The following AGBL1 variants were observed in gnomAD, a reference collection of about 807,000 sequenced individuals.
The protein encoded by AGBL1 is cytosolic carboxypeptidase 4.
AGBL1 carries 130 observed loss-of-function variants against 118.9 expected under a neutral mutation model. That is an observed-to-expected ratio of 1.09 (90% CI 0.95 to 1.26). The LOEUF (loss-of-function observed/expected upper bound fraction) is 1.26. Ranked by LOEUF, AGBL1 falls within the 50% of genes most tolerant of loss-of-function variation. The pLI is 0.00. For missense variants in AGBL1, 1,584 were observed against 1,298.1 expected, an observed-to-expected ratio of 1.22 and a Z score of -3.38; for synonymous variants, 555 against 478.9, an observed-to-expected ratio of 1.16 and a Z score of -2.08.
chr15:86,838,941 TA>T (rs386383698), intron 22 of AGBL1, among the ~76,000 whole-genome samples: 561 of 47,954 alleles, frequency 0.012, 3 homozygotes, highest in African/African-American at 0.048. Context: ...TGAGATCCTG[TA>T]AAAAAAAAAA....
chr15:86,971,483 C>T (rs2081108109), intron 23 of AGBL1, among the ~76,000 whole-genome samples: 1 of 151,844 alleles, frequency 6.6e-6, no homozygotes, highest in South Asian at 2.1e-4. Flanking sequence ...TTCCTACTAA[C>T]CCAAGTATGT....
At chr15:86,443,721 C>T (rs1363933737) in intron 18 of AGBL1, among the ~76,000 whole-genome samples, 1 of 152,160 alleles carries the variant, frequency 6.6e-6, no homozygotes, top group Non-Finnish European at 1.5e-5. Flanking sequence ...TGTGCTTGCC[C>T]TATTTTACCA....
intron 22 of AGBL1, among the ~76,000 whole-genome samples, chr15:86,812,790 G>A (rs1298256302): frequency 6.6e-6 from 1 of 152,142 alleles, no homozygotes; most frequent in East Asian, 1.9e-4. Context: ...ATTGCACTAT[G>A]CTAGATAAAA....
chr15:86,293,611 G>A (rs1888117908), intron 16 of AGBL1, among the ~76,000 whole-genome samples: 1 of 152,164 alleles, frequency 6.6e-6, no homozygotes, highest in South Asian at 2.1e-4. Flanking sequence ...CTTTCACCAT[G>A]TGAGGTATCC....
In AGBL1 at chr15:86,279,680, C is replaced by G; in HGVS notation, c.2117C>G (p.Ser706Cys). Residue 706 changes from serine to cysteine, a missense_variant, in exon 16 of 23, where the codon TCT (serine) becomes TGT (cysteine). Coordinates refer to ENST00000614907, the MANE Select transcript of AGBL1 (RefSeq NM_001386094.1). ...RQSTAVAGGA[S>C]GKCYYTLTFA... Reference sequence around the variant, plus strand: ...AGTACAGCTGTTGCAGGCGGAGCATCTGGGAAGTGCTACTATACCCTCACC... The same window carrying G: ...AGTACAGCTGTTGCAGGCGGAGCATGTGGGAAGTGCTACTATACCCTCACC... 2 of 1,613,458 alleles carry G rather than the reference C, an allele frequency of 1.2e-6. No individual in the cohort carries two copies. Among genetic ancestry groups the G allele is most frequent in the Admixed American group, 1.7e-5 (1 of 59,990 alleles).
intron 1 of AGBL1, among the ~76,000 whole-genome samples, chr15:86,081,122 C>A (rs1895252255): frequency 6.6e-6 from 1 of 152,190 alleles, no homozygotes; most frequent in Non-Finnish European, 1.5e-5. Flanking sequence ...CGACTCACTA[C>A]AACTTTTGCC....
At chr15:86,774,999 G>T (rs28415326) in intron 22 of AGBL1, among the ~76,000 whole-genome samples, 1 of 152,128 alleles carries the variant, frequency 6.6e-6, no homozygotes, top group Admixed American at 6.6e-5. Context: ...ATGTTCATTT[G>T]TTTATTCATA....
rs1441851367 is a variant in AGBL1 at position 87,017,214 on chromosome 15, G to GTCTCCA, written c.3324-11611_3324-11610insTCTCCA. ...TCAGCTTTTCCAGCCTGCCAACTCT[G>GTCTCCA]GAGAGTCTGGACAGTCCAGATGAGG... On this transcript the variant is annotated intron_variant, in intron 24 of 24. Coordinates refer to the AGBL1 transcript ENST00000441037. 1.4e-3 allele frequency among the ~76,000 whole-genome samples: 217 copies of GTCTCCA among 152,178 alleles called. 1 individual carries two copies. The highest frequency in any genetic ancestry group is 5.0e-3 in the African/African-American group (209 of 41,550).
intron 18 of AGBL1, among the ~76,000 whole-genome samples, chr15:86,487,866 A>G (rs1397892647): frequency 6.6e-6 from 1 of 152,096 alleles, no homozygotes; most frequent in Non-Finnish European, 1.5e-5. Context: ...AGCCTGCATA[A>G]TGGAACATCG....
At chr15:86,294,465 C>G (rs2079600609) in intron 16 of AGBL1, among the ~76,000 whole-genome samples, 1 of 138,852 alleles carries the variant, frequency 7.2e-6, no homozygotes, top group Admixed American at 7.2e-5. Context: ...ATGGCTATTT[C>G]ATTTTTTTTT....
rs543102824 is a variant in AGBL1 at position 86,539,955 on chromosome 15, A to T, written c.2686-6047A>T. Reference sequence around the variant, plus strand: ...CAACAAATCAGCTTCTGGATGGGGTAATATAGAAATGAAAAGTGTTTTAAA... The same window carrying T: ...CAACAAATCAGCTTCTGGATGGGGTTATATAGAAATGAAAAGTGTTTTAAA... On this transcript the variant is annotated intron_variant, in intron 19 of 22. Coordinates refer to ENST00000614907, the MANE Select transcript of AGBL1 (RefSeq NM_001386094.1). Among the ~76,000 whole-genome samples the T allele has an allele frequency of 1.8e-3, 272 of 152,290 alleles. 1 individual carries two copies. The highest frequency in any genetic ancestry group is 3.2e-3 in the Non-Finnish European group (218 of 68,020).
At chr15:87,004,366 G>T (rs577745310) in intron 24 of AGBL1, among the ~76,000 whole-genome samples, 5 of 152,120 alleles carry the variant, frequency 3.3e-5, no homozygotes, top group Non-Finnish European at 7.4e-5. Context: ...ATGAATCTGC[G>T]TTCTCCTGTA....
intron 18 of AGBL1, among the ~76,000 whole-genome samples, chr15:86,509,510 G>T (rs188522141): frequency 4.7e-4 from 72 of 152,158 alleles, no homozygotes; most frequent in African/African-American, 1.7e-3. Flanking sequence ...TCCTTTTTTA[G>T]GTAACAGGAG....
intron 6 of AGBL1, among the ~76,000 whole-genome samples, chr15:86,228,339 G>T (rs1170052269): frequency 6.6e-6 from 1 of 152,176 alleles, no homozygotes; most frequent in Non-Finnish European, 1.5e-5. Context: ...AGCTCCTAAA[G>T]GCACACTCCT....
chr15:86,479,057 C>T (rs1161301026), intron 18 of AGBL1, among the ~76,000 whole-genome samples: 1 of 152,162 alleles, frequency 6.6e-6, no homozygotes, highest in Admixed American at 6.5e-5. Context: ...TGGATCCTTC[C>T]TTACACCTTA....
At chr15:86,597,919 G>A (rs574191873) in intron 21 of AGBL1, among the ~76,000 whole-genome samples, 2 of 152,120 alleles carry the variant, frequency 1.3e-5, no homozygotes, top group African/African-American at 2.4e-5. Flanking sequence ...ATAAAAGAGA[G>A]GGAACAAAGA....
chr15:86,495,670 C>G (rs11855455), intron 18 of AGBL1, among the ~76,000 whole-genome samples: 1 of 151,858 alleles, frequency 6.6e-6, no homozygotes, highest in East Asian at 1.9e-4. Context: ...ACAACCTGGT[C>G]TCTACAGTAA....
intron 21 of AGBL1, among the ~76,000 whole-genome samples, chr15:86,663,624 T>C (rs1328150422): frequency 6.6e-6 from 1 of 152,006 alleles, no homozygotes; most frequent in Non-Finnish European, 1.5e-5. Context: ...TGGTGCCATA[T>C]TGAGTTTTTT....
chr15:86,596,279 C>T (rs1364244211), intron 21 of AGBL1, among the ~76,000 whole-genome samples: 1 of 152,092 alleles, frequency 6.6e-6, no homozygotes, highest in Admixed American at 6.6e-5. Context: ...CTCTTCGCCA[C>T]CCCCTCCCAT....
Sources: gnomAD v4.1 joint callset for allele counts (sites outside exome capture counted in the v4.1 genomes callset) on GRCh38, gnomAD v4.1.1 for gene constraint, MANE v1.5 for transcripts, NCBI Gene and HGNC (gene_info 2026-07-23, HGNC 2026-07-21) for gene names.